The following PTBP3 variants were observed in gnomAD, a reference collection of about 807,000 sequenced individuals.
The protein encoded by PTBP3 is polypyrimidine tract binding protein 3, also known as polypyrimidine tract-binding protein 3.
PTBP3 carries 20 observed loss-of-function variants against 58.7 expected under a neutral mutation model. The observed-to-expected ratio is 0.34, with a 90% CI of 0.24 to 0.50. The LOEUF is 0.50. Ranked by LOEUF, PTBP3 falls within the 20% of genes least tolerant of loss-of-function variation. PTBP3 has a pLI of 0.98. For missense variants in PTBP3, 509 were observed against 637.2 expected (o/e 0.80, Z 2.17); for synonymous variants, 185 against 219.8 (o/e 0.84, Z 1.40).
the PTBP3 span, among the ~76,000 whole-genome samples, chr9:112,353,391 A>T: frequency 6.6e-6 from 1 of 150,502 alleles, no homozygotes; most frequent in Admixed American, 6.6e-5. Context: ...AGAAAAAGGG[A>T]CAACTCTCTT....
At chr9:112,362,513 T>C in the PTBP3 span, among the ~76,000 whole-genome samples, 1 of 152,224 alleles carries the variant, frequency 6.6e-6, no homozygotes, top group Non-Finnish European at 1.5e-5. Flanking sequence ...TTTTAATTCT[T>C]ATGAAGTTCA....
At chr9:112,243,834 C>T (rs1449936533) in intron 7 of PTBP3, among the ~76,000 whole-genome samples, 1 of 152,112 alleles carries the variant, frequency 6.6e-6, no homozygotes, top group African/African-American at 2.4e-5. Flanking sequence ...CTTCACAACC[C>T]TACCAGTTAA....
At chr9:112,245,988 A>AT (rs369101910) in intron 7 of PTBP3, among the ~76,000 whole-genome samples, 1,872 of 146,524 alleles carry the variant, frequency 0.013, 44 homozygotes, top group African/African-American at 0.041. Flanking sequence ...CAAGAAAAAC[A>AT]TTTTTTTTTT....
chr9:112,273,971 T>A (rs1827501111), intron 3 of PTBP3, among the ~76,000 whole-genome samples: 1 of 152,228 alleles, frequency 6.6e-6, no homozygotes, highest in African/African-American at 2.4e-5. Flanking sequence ...AAGAAAATTA[T>A]GATGTTGCCT....
chr9:112,267,872 A>G lies in PTBP3; in HGVS notation c.351+177T>C, dbSNP rs182119371. Reference sequence around the variant, plus strand: ...AGAGAAAAAATTAACTTCTATTTCTAAATGGCACTGCTTTCTTATTCTTAA... The same window carrying G: ...AGAGAAAAAATTAACTTCTATTTCTGAATGGCACTGCTTTCTTATTCTTAA... On this transcript the variant is annotated intron_variant, in intron 4 of 13. Coordinates refer to ENST00000374257, the MANE Select transcript of PTBP3 (RefSeq NM_001163788.4). Among the ~76,000 whole-genome samples the G allele has an allele frequency of 2.2e-3, 340 of 152,348 alleles. 1 individual carries two copies. The highest frequency in any genetic ancestry group is 7.9e-3 in the African/African-American group (328 of 41,590).
chr9:112,255,456 C>T (rs1836307776), intron 5 of PTBP3, among the ~76,000 whole-genome samples: 1 of 152,092 alleles, frequency 6.6e-6, no homozygotes, highest in Non-Finnish European at 1.5e-5. Flanking sequence ...TCAATGTTTT[C>T]TCTCAATAAA....
intron 12 of PTBP3, 54 bp downstream of exon 12, chr9:112,227,357 A>T: frequency 1.3e-6 from 2 of 1,565,872 alleles, no homozygotes; most frequent in South Asian, 2.2e-5. Context: ...CTCCTACATC[A>T]CATATTGTAG....
At chr9:112,241,439 A>T (rs565157239) in intron 7 of PTBP3, among the ~76,000 whole-genome samples, 2 of 152,292 alleles carry the variant, frequency 1.3e-5, no homozygotes, top group Non-Finnish European at 2.9e-5. Context: ...AAATAAAAAT[A>T]TTACTTCCAG....
chr9:112,369,642 C>G, the PTBP3 span, among the ~76,000 whole-genome samples: 1 of 152,144 alleles, frequency 6.6e-6, no homozygotes, highest in Non-Finnish European at 1.5e-5. Context: ...CTTGCCTTGT[C>G]TCAGATGAGA....
At chr9:112,375,246 T>A in the PTBP3 span, among the ~76,000 whole-genome samples, 92 of 152,332 alleles carry the variant, frequency 6.0e-4, no homozygotes, top group African/African-American at 2.1e-3. Flanking sequence ...AATTTTATTG[T>A]CACCAATTTT....
At chr9:112,268,255 T>C in intron 3 of PTBP3, 60 bp from the exon 4 acceptor site, 14 of 1,539,828 alleles carry the variant, frequency 9.1e-6, no homozygotes, top group East Asian at 2.3e-5. Flanking sequence ...AGTTAAGATA[T>C]ATTTTGCCAT....
At chr9:112,254,058 A>C (rs1241205208) in intron 5 of PTBP3, among the ~76,000 whole-genome samples, 1 of 152,164 alleles carries the variant, frequency 6.6e-6, no homozygotes, top group Non-Finnish European at 1.5e-5. Flanking sequence ...TGGTACAATC[A>C]TGGCTCACTG....
In PTBP3 at chr9:112,222,318, T is replaced by G. The variant is rs1169517588; in HGVS notation, c.*1533A>C. 5.1e-6 allele frequency: 5 copies of G among 978,608 alleles called. No homozygotes were observed. The highest frequency in any genetic ancestry group is 1.8e-5 in the African/African-American group (1 of 57,022). The allele number at this position is 978,608 out of a possible 1,614,324, so 60.6% of individuals were successfully genotyped here. On this transcript the variant is annotated 3_prime_UTR_variant, in exon 14 of 14. Transcript: ENST00000374257. ...CATTAAAATGTACTCTTACATTCAATGAAAAAGAGAGGGACAGAGTATGAG... is the reference window on the plus strand; with the variant it reads ...CATTAAAATGTACTCTTACATTCAAGGAAAAAGAGAGGGACAGAGTATGAG...
intron 12 of PTBP3, 83 bp downstream of exon 12, chr9:112,227,328 A>G (rs924172491): frequency 1.7e-5 from 25 of 1,439,516 alleles, no homozygotes; most frequent in Non-Finnish European, 2.2e-5. Flanking sequence ...GGTTAGAACA[A>G]TTTCAGAAGT....
At chr9:112,249,562 G>T (rs2177666) in intron 7 of PTBP3, among the ~76,000 whole-genome samples, 39,940 of 151,940 alleles carry the variant, frequency 0.26, 6,576 homozygotes, top group South Asian at 0.4. Flanking sequence ...AAAGTGCATT[G>T]TTCTCTCTCT....
intron 5 of PTBP3, among the ~76,000 whole-genome samples, chr9:112,256,292 TAC>T (rs1245876151): frequency 0.02 from 618 of 30,528 alleles, 7 homozygotes; most frequent in African/African-American, 0.052. Flanking sequence ...TATATATATA[TAC>T]ATATATATAT....
At chr9:112,378,775 TAA>T in the PTBP3 span, among the ~76,000 whole-genome samples, 2 of 152,228 alleles carry the variant, frequency 1.3e-5, no homozygotes, top group African/African-American at 4.8e-5. Context: ...TGGATGATAA[TAA>T]TTTGCAAATT....
At chr9:112,227,380 C>T in intron 12 of PTBP3, 31 bp downstream of exon 12, 1 of 1,582,352 alleles carries the variant, frequency 6.3e-7, no homozygotes, top group Non-Finnish European at 8.7e-7. Context: ...TATTCATCAT[C>T]TAAGTGATTA....
At chr9:112,357,672 AT>A in the PTBP3 span, among the ~76,000 whole-genome samples, 567 of 150,262 alleles carry the variant, frequency 3.8e-3, 3 homozygotes, top group African/African-American at 0.01. Flanking sequence ...CTTTATAGCA[AT>A]TTTTTTTTTC....
Sources: gnomAD v4.1 joint callset for allele counts (sites outside exome capture counted in the v4.1 genomes callset) on GRCh38, gnomAD v4.1.1 for gene constraint, MANE v1.5 for transcripts, NCBI Gene and HGNC (gene_info 2026-07-23, HGNC 2026-07-21) for gene names.